ZSWIM6: variants seen among roughly 807,000 people sequenced by gnomAD.
The protein encoded by ZSWIM6 is zinc finger SWIM domain-containing protein 6.
In ZSWIM6, 9 loss-of-function variants were observed where a neutral mutation model predicts 113.2. The observed-to-expected ratio is 0.08, with a 90% CI of 0.05 to 0.14. The LOEUF is 0.14. Ranked by LOEUF, ZSWIM6 falls within the 10% of genes least tolerant of loss-of-function variation. The pLI is 1.00. For synonymous variants in ZSWIM6, 611 were observed against 606.5 expected, an observed-to-expected ratio of 1.01 and a Z score of -0.11; for missense variants, 1,162 against 1,552.2, an observed-to-expected ratio of 0.75 and a Z score of 4.22.
intron 4 of ZSWIM6, among the ~76,000 whole-genome samples, chr5:61,505,007 A>G (rs1206873838): frequency 6.6e-6 from 1 of 152,204 alleles, no homozygotes; most frequent in Non-Finnish European, 1.5e-5. Flanking sequence ...AATTTTGGCA[A>G]TAGATGTAAT....
chr5:61,428,182 C>A (rs1006617868), intron 1 of ZSWIM6, among the ~76,000 whole-genome samples: 3 of 152,092 alleles, frequency 2.0e-5, no homozygotes, highest in Non-Finnish European at 4.4e-5. Context: ...CTTTTAGTTT[C>A]TGGCAAGAAA....
chr5:61,394,716 A>C (rs961713143), intron 1 of ZSWIM6, among the ~76,000 whole-genome samples: 6 of 152,224 alleles, frequency 3.9e-5, no homozygotes, highest in African/African-American at 1.2e-4. Flanking sequence ...AAATACTGTT[A>C]GGAGGGCTTA....
At chr5:61,379,185 G>GAAAAAAAAAAA (rs1211778480) in intron 1 of ZSWIM6, among the ~76,000 whole-genome samples, 1 of 38,590 alleles carries the variant, frequency 2.6e-5, no homozygotes, top group Admixed American at 3.3e-4. Flanking sequence ...TCCTGTCTCT[G>GAAAAAAAAAAA]AAAAAAAAAA....
chr5:61,425,379 T>C (rs1336838873), intron 1 of ZSWIM6, among the ~76,000 whole-genome samples: 1 of 152,190 alleles, frequency 6.6e-6, no homozygotes, highest in African/African-American at 2.4e-5. Flanking sequence ...GTATCTGGCA[T>C]AAAATAAATG....
At chr5:61,394,740 A>G (rs1025893520) in intron 1 of ZSWIM6, among the ~76,000 whole-genome samples, 8 of 152,224 alleles carry the variant, frequency 5.3e-5, no homozygotes, top group African/African-American at 1.9e-4. Flanking sequence ...GTGGTTGGCC[A>G]GAGGAGGGGG....
chr5:61,456,936 G>T (rs1259594070), intron 1 of ZSWIM6, among the ~76,000 whole-genome samples: 1 of 144,640 alleles, frequency 6.9e-6, no homozygotes, highest in African/African-American at 2.6e-5. Context: ...TTAAGTTTTA[G>T]GGTACATGTG....
intron 2 of ZSWIM6, among the ~76,000 whole-genome samples, chr5:61,475,468 G>A (rs1453806880): frequency 6.6e-6 from 1 of 152,118 alleles, no homozygotes; most frequent in Non-Finnish European, 1.5e-5. Context: ...TTCTAAAATA[G>A]GAAAGCCTAT....
chr5:61,521,362 G>C lies in ZSWIM6; in HGVS notation c.1433G>C (p.Cys478Ser). 6.5e-7 allele frequency: 1 copy of C among 1,531,396 alleles called. No homozygotes were observed. The highest frequency in any genetic ancestry group is 8.8e-7 in the Non-Finnish European group (1 of 1,137,848). 94.9% of individuals were successfully genotyped at this position (1,531,396 alleles called of 1,614,324 possible). A position where few individuals can be genotyped will look rare whatever the true frequency, so the allele number is the denominator to read the frequency against. The change falls in exon 5 of 14, where the codon TGT becomes TCT. Residue 478 changes from cysteine to serine, a missense_variant. By Grantham distance (112) the Cys-to-Ser change is moderately radical (BLOSUM62 -1). This residue lies in a region of ZSWIM6 where 620 missense variants were observed against 804.6 expected (regional missense o/e 0.77). Transcript: ENST00000252744. ...AAGAAATGGAATAGTGTTGATGTCTGTCCATGGGAAGATGGAAATCATGGC... is the reference window on the plus strand; with the variant it reads ...AAGAAATGGAATAGTGTTGATGTCTCTCCATGGGAAGATGGAAATCATGGC... Reference protein sequence around the residue: ...QLKKWNSVDVCPWEDGNHGSE... With the variant: ...QLKKWNSVDVSPWEDGNHGSE...
intron 1 of ZSWIM6, among the ~76,000 whole-genome samples, chr5:61,424,717 A>C (rs1746428356): frequency 6.7e-6 from 1 of 149,596 alleles, no homozygotes; most frequent in African/African-American, 2.5e-5. Flanking sequence ...CGGTCTACCT[A>C]ATCTTGGCTC....
intron 1 of ZSWIM6, among the ~76,000 whole-genome samples, chr5:61,439,476 A>G (rs1189983764): frequency 6.6e-6 from 1 of 152,230 alleles, no homozygotes; most frequent in Non-Finnish European, 1.5e-5. Flanking sequence ...TATAAAGTAC[A>G]TGTAGAACAA....
intron 1 of ZSWIM6, among the ~76,000 whole-genome samples, chr5:61,440,320 A>T (rs948092607): frequency 3.3e-5 from 5 of 151,046 alleles, no homozygotes; most frequent in African/African-American, 1.2e-4. Flanking sequence ...ATTTTGTGTG[A>T]AAAAGAAAAA....
chr5:61,387,955 A>C (rs895335109), intron 1 of ZSWIM6, among the ~76,000 whole-genome samples: 9 of 143,664 alleles, frequency 6.3e-5, no homozygotes, highest in African/African-American at 2.3e-4. Flanking sequence ...AGTTTTACAG[A>C]AGTGATATTT....
At chr5:61,475,391 C>A (rs1033384159) in intron 2 of ZSWIM6, among the ~76,000 whole-genome samples, 1 of 152,076 alleles carries the variant, frequency 6.6e-6, no homozygotes, top group Admixed American at 6.5e-5. Context: ...AATAATGGAA[C>A]CAATGAAACA....
At chr5:61,461,629 G>A (rs1747325657) in intron 1 of ZSWIM6, among the ~76,000 whole-genome samples, 1 of 152,190 alleles carries the variant, frequency 6.6e-6, no homozygotes, top group Non-Finnish European at 1.5e-5. Flanking sequence ...ATGACTGTCA[G>A]TGTTTGTACT....
At chr5:61,443,864 G>A (rs975231568) in intron 1 of ZSWIM6, among the ~76,000 whole-genome samples, 1 of 151,828 alleles carries the variant, frequency 6.6e-6, no homozygotes, top group Non-Finnish European at 1.5e-5. Context: ...CCTTTGCATG[G>A]TACATTATTA....
intron 3 of ZSWIM6, 46 bp downstream of exon 3, chr5:61,490,980 A>G (rs1179447495): frequency 1.4e-6 from 2 of 1,436,812 alleles, no homozygotes; most frequent in Non-Finnish European, 9.3e-7. Flanking sequence ...ATATACATAT[A>G]TAGGGACTAT....
chr5:61,392,653 C>T (rs143489837), intron 1 of ZSWIM6, among the ~76,000 whole-genome samples: 140 of 152,242 alleles, frequency 9.2e-4, no homozygotes, highest in African/African-American at 3.3e-3. Flanking sequence ...GGTGTTTTTA[C>T]GCAGGCTGGA....
intron 1 of ZSWIM6, chr5:61,376,003 A>G: frequency 1.8e-6 from 1 of 550,484 alleles, no homozygotes. Flanking sequence ...CTCAGATGCC[A>G]CTGTGTGAAA....
At chr5:61,440,468 C>G (rs1746803060) in intron 1 of ZSWIM6, among the ~76,000 whole-genome samples, 1 of 150,938 alleles carries the variant, frequency 6.6e-6, no homozygotes, top group African/African-American at 2.4e-5. Flanking sequence ...TTCACATAAT[C>G]AATGTCTCTT....
Sources: allele counts gnomAD v4.1 joint callset (sites outside exome capture counted in the v4.1 genomes callset), GRCh38; gene constraint gnomAD v4.1.1; regional missense constraint gnomAD v4.1.1; transcripts MANE v1.5; gene names NCBI Gene and HGNC (gene_info 2026-07-23, HGNC 2026-07-21).